Variants in ATG7 observed in about 807,000 individuals in gnomAD.
ATG7 encodes the protein ubiquitin-like modifier-activating enzyme ATG7.
A neutral mutation model predicts 82.4 loss-of-function variants in ATG7; 70 were observed. The observed-to-expected ratio is 0.85, with a 90% confidence interval of 0.70 to 1.04. The LOEUF is 1.04. ATG7 is among the 50% of genes least tolerant of loss of function. The pLI, the probability that ATG7 is intolerant of heterozygous loss-of-function variation, is 0.00. For synonymous variants in ATG7, 287 were observed against 313.0 expected, an observed-to-expected ratio of 0.92 and a Z score of 0.88; for missense variants, 792 against 864.3, an observed-to-expected ratio of 0.92 and a Z score of 1.05.
chr3:11,560,673 GAC>G (rs2072900449), downstream of ATG7, among the ~76,000 whole-genome samples: 1 of 152,174 alleles, frequency 6.6e-6, no homozygotes, highest in Non-Finnish European at 1.5e-5. Flanking sequence ...AACAAGAAGC[GAC>G]ACATGCCAGG....
intron 19 of ATG7, among the ~76,000 whole-genome samples, chr3:11,389,415 C>A (rs1329171713): frequency 3.6e-5 from 5 of 137,674 alleles, no homozygotes; most frequent in African/African-American, 1.3e-4. Context: ...ATAATTCTTT[C>A]ATTATGAAAG....
At chr3:11,486,376 C>T (rs2153039877) in intron 20 of ATG7, among the ~76,000 whole-genome samples, 1 of 152,250 alleles carries the variant, frequency 6.6e-6, no homozygotes, top group South Asian at 2.1e-4. Context: ...GTGATTTTTG[C>T]ACATTGATTT....
chr3:11,342,760 T>C (rs1319101028), intron 13 of ATG7, among the ~76,000 whole-genome samples: 1 of 152,136 alleles, frequency 6.6e-6, no homozygotes, highest in African/African-American at 2.4e-5. Flanking sequence ...TTCAGATTAC[T>C]TTCTATTTTT....
At chr3:11,298,226 A>G (rs1208990017) in intron 3 of ATG7, among the ~76,000 whole-genome samples, 5 of 152,212 alleles carry the variant, frequency 3.3e-5, no homozygotes, top group Non-Finnish European at 5.9e-5. Context: ...GCTTGACAAC[A>G]CAGGCCAATT....
intron 5 of ATG7, among the ~76,000 whole-genome samples, chr3:11,299,746 C>A (rs1400313940): frequency 6.6e-6 from 1 of 151,994 alleles, no homozygotes; most frequent in Non-Finnish European, 1.5e-5. Context: ...TGATTCACTC[C>A]TTTAGTCCAT....
At chr3:11,501,401 G>GA (rs1394703082) in intron 20 of ATG7, among the ~76,000 whole-genome samples, 1 of 152,228 alleles carries the variant, frequency 6.6e-6, no homozygotes, top group Non-Finnish European at 1.5e-5. Context: ...TTATTTGTCA[G>GA]AAGGACTGAG....
At chr3:11,502,067 G>C (rs2091371687) in intron 20 of ATG7, among the ~76,000 whole-genome samples, 1 of 151,826 alleles carries the variant, frequency 6.6e-6, no homozygotes, top group Admixed American at 6.6e-5. Flanking sequence ...TATGTTTGCT[G>C]TCATGTAAAA....
At chr3:11,451,326 C>G (rs866331947) in intron 20 of ATG7, among the ~76,000 whole-genome samples, 1 of 151,634 alleles carries the variant, frequency 6.6e-6, no homozygotes, top group African/African-American at 2.4e-5. Context: ...ATTCTCATGC[C>G]TCAGCCTCCT....
intron 17 of ATG7, among the ~76,000 whole-genome samples, chr3:11,364,027 C>T (rs558732472): frequency 4.6e-5 from 7 of 152,326 alleles, no homozygotes; most frequent in African/African-American, 1.7e-4. Flanking sequence ...TGACTTTATG[C>T]TTCCTTGACA....
At chr3:11,558,845 G>GGCAGGCAGTCAGACACAGGTGGCT, downstream of ATG7, 1 of 1,608,232 alleles carries the variant, frequency 6.2e-7, no homozygotes, top group Non-Finnish European at 8.5e-7. Flanking sequence ...CAAGCAGGAA[G>GGCAGGCAGTCAGACACAGGTGGCT]GCAGGCAGTC....
At chr3:11,395,973 G>C in intron 19 of ATG7, among the ~76,000 whole-genome samples, 1 of 143,832 alleles carries the variant, frequency 7.0e-6, no homozygotes, top group Non-Finnish European at 1.5e-5. Context: ...AAAGGTAGGG[G>C]GGGAAGAGTA....
At chr3:11,378,529 A>G (rs1002253537) in intron 18 of ATG7, among the ~76,000 whole-genome samples, 1 of 150,946 alleles carries the variant, frequency 6.6e-6, no homozygotes, top group African/African-American at 2.4e-5. Flanking sequence ...CTAAAAATAG[A>G]AAAAACTTAG....
At chr3:11,356,853 G>A (rs1310245325) in intron 14 of ATG7, among the ~76,000 whole-genome samples, 1 of 152,104 alleles carries the variant, frequency 6.6e-6, no homozygotes, top group Non-Finnish European at 1.5e-5. Context: ...TATTAAAATA[G>A]ATGTGTGCTG....
chr3:11,561,891 CTT>C (rs35380668), downstream of ATG7, among the ~76,000 whole-genome samples: 11 of 88,598 alleles, frequency 1.2e-4, no homozygotes, highest in East Asian at 7.6e-4. Flanking sequence ...CTGCGCCAAA[CTT>C]TTTTTTTTTT....
intron 20 of ATG7, among the ~76,000 whole-genome samples, chr3:11,522,992 CAAT>C (rs1368331783): frequency 6.6e-6 from 1 of 152,180 alleles, no homozygotes; most frequent in Non-Finnish European, 1.5e-5. Flanking sequence ...AAAATGGACA[CAAT>C]GATACCTTTT....
chr3:11,576,023 A>G, the ATG7 span, among the ~76,000 whole-genome samples: 1 of 152,248 alleles, frequency 6.6e-6, no homozygotes, highest in Non-Finnish European at 1.5e-5. Flanking sequence ...TTCTTTAACC[A>G]GAACTGTCTA....
chr3:11,368,251 AAG>A (rs1553631398), intron 18 of ATG7, among the ~76,000 whole-genome samples: 8 of 147,074 alleles, frequency 5.4e-5, no homozygotes, highest in African/African-American at 2.0e-4. Context: ...AAAAAAAAAA[AAG>A]AAGAAGAAGA....
At position 11,502,639 on chromosome 3, in the gene ATG7, G is replaced by A. The variant is rs561976863; in HGVS notation, c.2080-52172G>A. The stretch of plus-strand genomic sequence containing the variant: ...CAGTCTATCATTGTTGGACATTTGG[G>A]TTGGTTCCAAGTCTTTGCTATTGTG... On this transcript the variant is annotated intron_variant, in intron 20 of 20. Coordinates refer to ENST00000693202, the MANE Select transcript of ATG7 (RefSeq NM_001349232.2). Among the ~76,000 whole-genome samples, 45 of 152,018 alleles carry A rather than the reference G, an allele frequency of 3.0e-4. 1 individual carries two copies. The South Asian group carries it at 9.4e-3, about 32-fold the overall frequency.
At chr3:11,339,046 C>T (rs562131425) in intron 11 of ATG7, among the ~76,000 whole-genome samples, 13 of 152,094 alleles carry the variant, frequency 8.5e-5, no homozygotes, top group Non-Finnish European at 1.2e-4. Context: ...CCTGTAATCC[C>T]ACCACTTTGG....
Sources: gnomAD v4.1 joint callset for allele counts (sites outside exome capture counted in the v4.1 genomes callset) on GRCh38, gnomAD v4.1.1 for gene constraint, MANE v1.5 for transcripts, NCBI Gene and HGNC (gene_info 2026-07-23, HGNC 2026-07-21) for gene names.